Variants in SORL1 observed in about 807,000 individuals in gnomAD.
The protein encoded by SORL1 is sortilin related receptor 1.
A neutral mutation model predicts 273.7 loss-of-function variants in SORL1; 127 were observed. That is an observed-to-expected ratio of 0.46 (90% CI 0.40 to 0.54). The LOEUF (loss-of-function observed/expected upper bound fraction) is 0.54, where lower values mean the gene tolerates loss of function less well. SORL1 is among the 20% of genes least tolerant of loss of function. The probability of loss-of-function intolerance (pLI) is 0.00; values close to 1 mark genes in which losing one functional copy is unlikely to be tolerated. For synonymous variants in SORL1, 1,031 were observed against 1,067.4 expected (o/e 0.97, Z 0.66); for missense variants, 2,494 against 2,846.1 (o/e 0.88, Z 2.81).
Position 121,596,795 on chromosome 11 carries a change from C to T in SORL1, c.4519+1023C>T, listed in dbSNP as rs1167653882. Among the ~76,000 whole-genome samples, 1 of 152,172 alleles carries T rather than the reference C, an allele frequency of 6.6e-6. No individual in the cohort carries two copies. The highest frequency in any genetic ancestry group is 6.5e-5 in the Admixed American group (1 of 15,282). The stretch of plus-strand genomic sequence containing the variant: ...CCCTAACCCTAAGCAGCAAACGCCT[C>T]AGTTCCTCCACTTTGATCCCTGTTC... On this transcript the variant is annotated intron_variant, in intron 32 of 47. Coordinates refer to ENST00000260197, the MANE Select transcript of SORL1 (RefSeq NM_003105.6). The surrounding 1 kb of genome is among the most constrained non-coding windows in gnomAD (Gnocchi z 4.3).
chr11:121,587,752 G>C (rs1004513540), intron 27 of SORL1, among the ~76,000 whole-genome samples: 2 of 152,118 alleles, frequency 1.3e-5, no homozygotes, highest in Admixed American at 1.3e-4. Context: ...GTGTACTCTT[G>C]GCAAAATACT....
chr11:121,592,888 A>G (rs1248778496), intron 31 of SORL1, among the ~76,000 whole-genome samples: 1 of 152,216 alleles, frequency 6.6e-6, no homozygotes, highest in African/African-American at 2.4e-5. Flanking sequence ...GACTCTAGCA[A>G]ATTCTGACTA....
chr11:121,563,416 G>A lies in SORL1; in HGVS notation c.3050-3524G>A, dbSNP rs779191534. 2.0e-5 allele frequency among the ~76,000 whole-genome samples: 3 copies of A among 152,092 alleles called. No individual in the cohort carries two copies. The highest frequency in any genetic ancestry group is 2.0e-4 in the Admixed American group (3 of 15,272). On this transcript the variant is annotated intron_variant, in intron 21 of 47. Coordinates refer to ENST00000260197, the MANE Select transcript of SORL1 (RefSeq NM_003105.6). This position sits in a 1 kb window ranked among gnomAD's most constrained non-coding sequence, Gnocchi z 4.2. ...TTTTTTATTTGTTTAGTTTTTTGGA[G>A]ACAGAGTCTCGTTCTGTTACCCCGG...
chr11:121,618,316 TG>T (rs1308242965), intron 41 of SORL1, among the ~76,000 whole-genome samples: 1 of 152,188 alleles, frequency 6.6e-6, no homozygotes, highest in East Asian at 1.9e-4. Flanking sequence ...ACATACTTCC[TG>T]GGGTGTTCGC....
chr11:121,542,220 A>C (rs776958466), intron 12 of SORL1, among the ~76,000 whole-genome samples: 5 of 152,224 alleles, frequency 3.3e-5, no homozygotes, highest in Admixed American at 6.5e-5. Context: ...CTCACACCTA[A>C]GAAAATTAAC....
In SORL1 at chr11:121,612,787, G is replaced by A. The variant is rs1283102456; in HGVS notation, c.5374G>A (p.Glu1792Lys). The change falls in exon 40 of 48, where the codon GAG (glutamate) becomes AAG (lysine). Residue 1792 changes from glutamate (E) to lysine (K), a missense_variant. Coordinates refer to ENST00000260197, the MANE Select transcript of SORL1 (RefSeq NM_003105.6). ...LFWAFDTHKQ[E>K]RRTLNFRGSI... The stretch of plus-strand genomic sequence containing the variant: ...CTGGGCATTTGACACCCACAAGCAA[G>A]AGAGGAGAACTTTGAACTTCCGAGG... 2 of 1,614,152 alleles carry A rather than the reference G, an allele frequency of 1.2e-6. No homozygotes were observed. Among genetic ancestry groups the A allele is most frequent in the South Asian group, 2.2e-5 (2 of 91,070 alleles).
At chr11:121,605,799 G>A (rs907099078) in intron 35 of SORL1, among the ~76,000 whole-genome samples, 1 of 152,098 alleles carries the variant, frequency 6.6e-6, no homozygotes, top group Non-Finnish European at 1.5e-5. Flanking sequence ...CTCCACCATT[G>A]CCCTCTTGCA....
At chr11:121,578,721 C>T (rs1351814946) in intron 25 of SORL1, among the ~76,000 whole-genome samples, 2 of 152,212 alleles carry the variant, frequency 1.3e-5, no homozygotes, top group East Asian at 1.9e-4. Flanking sequence ...GTGAATAGAT[C>T]TCTTCAAATG....
At chr11:121,552,483 G>A (rs1286637734) in intron 16 of SORL1, among the ~76,000 whole-genome samples, 6 of 152,216 alleles carry the variant, frequency 3.9e-5, no homozygotes, top group Non-Finnish European at 8.8e-5. Flanking sequence ...ACAGAATGAG[G>A]TTTATAGATG....
At chr11:121,585,510 C>A (rs993232080) in intron 26 of SORL1, among the ~76,000 whole-genome samples, 2 of 149,702 alleles carry the variant, frequency 1.3e-5, no homozygotes, top group Non-Finnish European at 3.0e-5. Context: ...TACACACACA[C>A]ACACACACAC....
intron 24 of SORL1, among the ~76,000 whole-genome samples, 190 bp downstream of exon 24, chr11:121,574,553 T>C (rs1275085257): frequency 6.6e-6 from 1 of 152,212 alleles, no homozygotes; most frequent in Non-Finnish European, 1.5e-5. Flanking sequence ...AGAGTTTGTT[T>C]GCTGCTTTTC....
chr11:121,594,357 C>G (rs1309518232), intron 31 of SORL1, among the ~76,000 whole-genome samples: 1 of 151,914 alleles, frequency 6.6e-6, no homozygotes, highest in African/African-American at 2.4e-5. Context: ...TCCTGGAACT[C>G]TTGTCATTCA....
intron 11 of SORL1, among the ~76,000 whole-genome samples, chr11:121,530,588 A>G (rs1364153976): frequency 2.6e-5 from 4 of 151,548 alleles, no homozygotes. Context: ...ATTGGTTTTC[A>G]GCAGTTTTGG....
chr11:121,598,432 C>T (rs1159341811), intron 32 of SORL1, among the ~76,000 whole-genome samples: 1 of 152,100 alleles, frequency 6.6e-6, no homozygotes, highest in African/African-American at 2.4e-5. Flanking sequence ...GATGAGGAGT[C>T]GCAGCTTTCC....
intron 38 of SORL1, chr11:121,608,634 A>G (rs1315078954): frequency 5.9e-6 from 1 of 168,068 alleles, no homozygotes; most frequent in Non-Finnish European, 1.3e-5. Flanking sequence ...GATATTAGTA[A>G]TAACTGATGG....
chr11:121,456,182 TG>T (rs952509815), intron 1 of SORL1, among the ~76,000 whole-genome samples: 1 of 152,190 alleles, frequency 6.6e-6, no homozygotes, highest in African/African-American at 2.4e-5. Flanking sequence ...TGTCCTTGCC[TG>T]GGAAGCTCTT....
At chr11:121,565,831 C>T (rs1862746454) in intron 21 of SORL1, among the ~76,000 whole-genome samples, 1 of 152,216 alleles carries the variant, frequency 6.6e-6, no homozygotes, top group Admixed American at 6.5e-5. Flanking sequence ...GGCTCCTTCT[C>T]AAGAGTGCAG....
Position 121,625,237 on chromosome 11 carries a change from T to C in SORL1, c.6324T>C (p.Cys2108=), listed in dbSNP as rs986119446. The change falls in exon 46 of 48, where the codon TGT becomes TGC. Residue 2108 remains cysteine (C), a synonymous_variant. Transcript: ENST00000260197. Reference sequence around the variant, plus strand: ...GATGCCTTTTTGGCAACCAGATCTGTGGGGAGCCTGCCATCCTGCTGTACG... The same window carrying C: ...GATGCCTTTTTGGCAACCAGATCTGCGGGGAGCCTGCCATCCTGCTGTACG... ...QARCLFGNQI[C]GEPAILLYDE... is the part of the protein sequence containing the mutation. 6.2e-7 allele frequency: 1 copy of C among 1,613,996 alleles called. No homozygotes were observed. The highest frequency in any genetic ancestry group is 8.5e-7 in the Non-Finnish European group (1 of 1,179,960).
At chr11:121,468,873 G>A (rs888345596) in intron 1 of SORL1, among the ~76,000 whole-genome samples, 2 of 152,240 alleles carry the variant, frequency 1.3e-5, no homozygotes, top group Admixed American at 1.3e-4. Context: ...TTTCCATACA[G>A]TGAAACAATG....
Sources: allele counts gnomAD v4.1 joint callset (sites outside exome capture counted in the v4.1 genomes callset), GRCh38; gene constraint gnomAD v4.1.1; non-coding constraint Gnocchi (gnomAD v3.1); transcripts MANE v1.5; gene names NCBI Gene and HGNC (gene_info 2026-07-23, HGNC 2026-07-21).